Variants in DAB1 observed in about 807,000 individuals in gnomAD.
DAB1 encodes the protein DAB adaptor protein 1.
A neutral mutation model predicts 64.6 loss-of-function variants in DAB1; 15 were observed. The ratio of observed to expected loss-of-function variants is 0.23; its 90% CI spans 0.16 to 0.36. The LOEUF is 0.36. Ranked by LOEUF, DAB1 falls within the 10% of genes least tolerant of loss-of-function variation. The pLI is 1.00. For missense variants in DAB1, 596 were observed against 706.7 expected, an observed-to-expected ratio of 0.84 and a Z score of 1.78; for synonymous variants, 235 against 251.9, an observed-to-expected ratio of 0.93 and a Z score of 0.64.
chr1:58,521,803 T>C (rs140274680), intron 2 of DAB1, among the ~76,000 whole-genome samples: 5 of 152,286 alleles, frequency 3.3e-5, no homozygotes, highest in African/African-American at 7.2e-5. Flanking sequence ...CAGGCCCATA[T>C]GGCTTTACCC....
intron 4 of DAB1, among the ~76,000 whole-genome samples, chr1:57,104,708 C>T (rs879938045): frequency 6.6e-6 from 1 of 151,698 alleles, no homozygotes; most frequent in Admixed American, 6.6e-5. Context: ...TCATGGCATT[C>T]GGTTGAGAGA....
Position 57,985,867 on chromosome 1 carries a change from AACCTAAGTGATCAC to A in DAB1, n.388-101719_388-101706del, listed in dbSNP as rs1000788540. On this transcript the variant is annotated intron_variant and non_coding_transcript_variant, in intron 5 of 20. Transcript: ENST00000485760. Reference sequence around the variant, plus strand: ...CAGTGTACTCAGAAAGGGTGTGAACAACCTAAGTGATCACACCATGCACCAGAGACTCTGCAAGG... The same window carrying A: ...CAGTGTACTCAGAAAGGGTGTGAACAACCATGCACCAGAGACTCTGCAAGG... Among the ~76,000 whole-genome samples, 14 of 152,276 alleles carry A rather than the reference AACCTAAGTGATCAC, an allele frequency of 9.2e-5. No homozygotes were observed. In the East Asian group the frequency reaches 1.2e-3, roughly 13 times the overall value.
intron 5 of DAB1, among the ~76,000 whole-genome samples, chr1:57,929,949 C>T (rs1393503893): frequency 1.3e-5 from 2 of 152,192 alleles, no homozygotes; most frequent in Non-Finnish European, 2.9e-5. Flanking sequence ...CAATATTCCA[C>T]ACTGGGGACT....
chr1:57,461,471 T>C (rs543172651), intron 7 of DAB1, among the ~76,000 whole-genome samples: 1 of 152,178 alleles, frequency 6.6e-6, no homozygotes, highest in Non-Finnish European at 1.5e-5. Flanking sequence ...CCTCCCTCCA[T>C]CTGACCCCTA....
intron 2 of DAB1, among the ~76,000 whole-genome samples, chr1:57,220,801 A>G (rs570036152): frequency 2.0e-5 from 3 of 152,346 alleles, no homozygotes; most frequent in East Asian, 3.9e-4. Flanking sequence ...TGTTGGTGGG[A>G]CTGTAAACTG....
At chr1:58,536,564 T>A in intron 1 of DAB1, 1 of 872,852 alleles carries the variant, frequency 1.1e-6, no homozygotes, top group Non-Finnish European at 2.0e-6. Flanking sequence ...TCCCCAATAA[T>A]AGTAGCTTGC....
chr1:58,208,017 A>AGCAAGGAG (rs1418677429), intron 4 of DAB1, among the ~76,000 whole-genome samples: 1 of 152,210 alleles, frequency 6.6e-6, no homozygotes, highest in Admixed American at 6.5e-5. Flanking sequence ...ACATGGTGGC[A>AGCAAGGAG]GCAAGGAGGA....
chr1:58,453,241 TCAAAG>T (rs1645159408), intron 3 of DAB1, among the ~76,000 whole-genome samples: 1 of 151,962 alleles, frequency 6.6e-6, no homozygotes, highest in Non-Finnish European at 1.5e-5. Flanking sequence ...TGTGAAGCAC[TCAAAG>T]CAAAGGGGCA....
At chr1:57,759,532 C>T (rs1383400860) in intron 6 of DAB1, among the ~76,000 whole-genome samples, 1 of 152,148 alleles carries the variant, frequency 6.6e-6, no homozygotes, top group African/African-American at 2.4e-5. Flanking sequence ...TTAGTTTTAT[C>T]TACAAAATAG....
At chr1:57,003,819 T>C (rs925469851) in intron 14 of DAB1, among the ~76,000 whole-genome samples, 1 of 152,216 alleles carries the variant, frequency 6.6e-6, no homozygotes, top group Non-Finnish European at 1.5e-5. Flanking sequence ...CCATTTTAAA[T>C]GTACAGTTTA....
At chr1:57,792,745 T>C (rs1650664319) in intron 6 of DAB1, among the ~76,000 whole-genome samples, 1 of 152,240 alleles carries the variant, frequency 6.6e-6, no homozygotes, top group South Asian at 2.1e-4. Context: ...TCCTCTAATA[T>C]ATCAATAATT....
At chr1:57,311,186 AT>A (rs1674671667) in intron 1 of DAB1, among the ~76,000 whole-genome samples, 1 of 152,138 alleles carries the variant, frequency 6.6e-6, no homozygotes, top group Non-Finnish European at 1.5e-5. Context: ...CGGCCTTATA[AT>A]GGCTGTTGCT....
At chr1:57,159,447 C>A (rs1660533192) in intron 2 of DAB1, among the ~76,000 whole-genome samples, 1 of 152,074 alleles carries the variant, frequency 6.6e-6, no homozygotes, top group Non-Finnish European at 1.5e-5. Context: ...CAAATTAAAG[C>A]AAGAAAAAGC....
intron 2 of DAB1, among the ~76,000 whole-genome samples, chr1:58,511,947 TA>T (rs1379275152): frequency 6.6e-6 from 1 of 151,982 alleles, no homozygotes; most frequent in African/African-American, 2.4e-5. Context: ...TCTGCACAGC[TA>T]AGGAAACAGA....
At chr1:57,245,184 A>G (rs1026580370) in intron 2 of DAB1, among the ~76,000 whole-genome samples, 5 of 152,214 alleles carry the variant, frequency 3.3e-5, no homozygotes, top group African/African-American at 1.2e-4. Flanking sequence ...CCCTTTTGCT[A>G]TACTTTGGCA....
At chr1:57,805,317 G>A (rs1173484754) in intron 6 of DAB1, among the ~76,000 whole-genome samples, 1 of 152,078 alleles carries the variant, frequency 6.6e-6, no homozygotes, top group African/African-American at 2.4e-5. Context: ...GATCAACAAG[G>A]GGCAGAAATT....
At chr1:57,438,852 A>C (rs1336712602) in intron 7 of DAB1, among the ~76,000 whole-genome samples, 1 of 152,214 alleles carries the variant, frequency 6.6e-6, no homozygotes, top group Non-Finnish European at 1.5e-5. Context: ...TTTGCATAGC[A>C]TACTCTTCAG....
At chr1:57,563,797 C>G (rs1414791167) in intron 7 of DAB1, among the ~76,000 whole-genome samples, 1 of 152,156 alleles carries the variant, frequency 6.6e-6, no homozygotes, top group Non-Finnish European at 1.5e-5. Flanking sequence ...CCTGGAAGCT[C>G]GAACTAGGTG....
intron 1 of DAB1, among the ~76,000 whole-genome samples, chr1:57,389,877 C>A (rs1055787973): frequency 6.6e-6 from 1 of 152,142 alleles, no homozygotes; most frequent in East Asian, 1.9e-4. Context: ...ATATACCTCA[C>A]CCCAGAAAAC....
Sources: gnomAD v4.1 joint callset for allele counts (sites outside exome capture counted in the v4.1 genomes callset) on GRCh38, gnomAD v4.1.1 for gene constraint, MANE v1.5 for transcripts, NCBI Gene and HGNC (gene_info 2026-07-23, HGNC 2026-07-21) for gene names.